The following MYO1D variants were observed in gnomAD, a reference collection of about 807,000 sequenced individuals.
MYO1D encodes myosin ID.
Under a neutral mutation model 122.0 loss-of-function variants are expected in MYO1D, and 83 were observed. The ratio of observed to expected loss-of-function variants is 0.68; its 90% CI spans 0.57 to 0.82. MYO1D has a LOEUF of 0.82. Ranked by LOEUF, MYO1D falls within the 40% of genes least tolerant of loss-of-function variation. The pLI, the probability that MYO1D is intolerant of heterozygous loss-of-function variation, is 0.00. For missense variants in MYO1D, 1,157 were observed against 1,269.5 expected, an observed-to-expected ratio of 0.91 and a Z score of 1.35; for synonymous variants, 464 against 446.9, an observed-to-expected ratio of 1.04 and a Z score of -0.48.
At chr17:32,637,728 T>C (rs2088124517) in intron 20 of MYO1D, among the ~76,000 whole-genome samples, 3 of 152,048 alleles carry the variant, frequency 2.0e-5, no homozygotes, top group Admixed American at 2.0e-4. Flanking sequence ...AGTTGCAATC[T>C]ATTGGCCTTT....
chr17:32,711,139 A>G (rs538966138), intron 16 of MYO1D, among the ~76,000 whole-genome samples: 76 of 152,242 alleles, frequency 5.0e-4, no homozygotes, highest in Admixed American at 2.2e-3. Context: ...GTTCATATGG[A>G]AGATATGGGA....
At chr17:32,759,498 A>T (rs980998822) in intron 10 of MYO1D, among the ~76,000 whole-genome samples, 5 of 152,194 alleles carry the variant, frequency 3.3e-5, no homozygotes, top group Non-Finnish European at 7.4e-5. Flanking sequence ...GAGGATGAAC[A>T]ATCATATAAA....
intron 1 of MYO1D, among the ~76,000 whole-genome samples, chr17:32,795,793 GCC>G (rs1446620905): frequency 2.6e-5 from 4 of 151,940 alleles, no homozygotes; most frequent in Non-Finnish European, 1.5e-5. Context: ...TGAGAAAGAG[GCC>G]ATCCGGGTAC....
intron 17 of MYO1D, among the ~76,000 whole-genome samples, chr17:32,657,587 C>T (rs985039253): frequency 2.0e-5 from 3 of 152,226 alleles, no homozygotes; most frequent in Non-Finnish European, 4.4e-5. Flanking sequence ...CTTGTGTGCA[C>T]GCACGTGTGC....
intron 8 of MYO1D, 21 bp from the exon 9 acceptor site, chr17:32,760,648 T>G (rs780791744): frequency 6.3e-7 from 1 of 1,587,836 alleles, no homozygotes; most frequent in Admixed American, 1.8e-5. Flanking sequence ...AATAGCATCA[T>G]AAATGCTTGC....
intron 21 of MYO1D, among the ~76,000 whole-genome samples, chr17:32,600,955 T>G (rs1042773928): frequency 6.9e-6 from 1 of 144,320 alleles, no homozygotes; most frequent in Non-Finnish European, 1.5e-5. Flanking sequence ...TCTTTTCCCT[T>G]TTTTTTTTTT....
intron 14 of MYO1D, among the ~76,000 whole-genome samples, chr17:32,723,866 A>T (rs1369645105): frequency 6.6e-6 from 1 of 152,150 alleles, no homozygotes; most frequent in African/African-American, 2.4e-5. Flanking sequence ...GTGATTTGTT[A>T]TGGATTGATA....
intron 16 of MYO1D, among the ~76,000 whole-genome samples, chr17:32,695,622 T>C (rs1348881573): frequency 6.6e-6 from 1 of 152,162 alleles, no homozygotes; most frequent in Non-Finnish European, 1.5e-5. Context: ...GCTACAACAA[T>C]GTAACAAATA....
intron 21 of MYO1D, among the ~76,000 whole-genome samples, chr17:32,578,787 G>T (rs1291679611): frequency 1.3e-5 from 2 of 152,130 alleles, no homozygotes; most frequent in Non-Finnish European, 2.9e-5. Context: ...CTTCCCCTAA[G>T]TCTCCTCCTG....
chr17:32,726,059 C>G (rs1232827047), intron 14 of MYO1D, among the ~76,000 whole-genome samples: 1 of 152,160 alleles, frequency 6.6e-6, no homozygotes, highest in Non-Finnish European at 1.5e-5. Context: ...CAACATTTGT[C>G]ACCCTCAGAT....
chr17:32,636,882 C>T (rs955923198), intron 20 of MYO1D, among the ~76,000 whole-genome samples: 5 of 152,174 alleles, frequency 3.3e-5, no homozygotes, highest in Admixed American at 1.3e-4. Context: ...GGAAATCAGG[C>T]TGGTATGCAC....
intron 16 of MYO1D, among the ~76,000 whole-genome samples, chr17:32,662,734 A>G (rs917263534): frequency 4.0e-5 from 6 of 151,854 alleles, no homozygotes; most frequent in African/African-American, 1.5e-4. Flanking sequence ...TAGTTTTCTT[A>G]GCTGTAAAAT....
chr17:32,844,848 A>C (rs1365182469), intron 1 of MYO1D, among the ~76,000 whole-genome samples: 1 of 152,196 alleles, frequency 6.6e-6, no homozygotes, highest in African/African-American at 2.4e-5. Flanking sequence ...CTCTTTATAA[A>C]TCTTGTGTTT....
chr17:32,818,880 G>A (rs767516839), intron 1 of MYO1D, among the ~76,000 whole-genome samples: 1 of 152,180 alleles, frequency 6.6e-6, no homozygotes, highest in Non-Finnish European at 1.5e-5. Context: ...AAAATCTTAT[G>A]AAGTTCTGCC....
At chr17:32,667,916 T>G (rs1217608545) in intron 16 of MYO1D, among the ~76,000 whole-genome samples, 2 of 152,196 alleles carry the variant, frequency 1.3e-5, no homozygotes, top group Admixed American at 1.3e-4. Context: ...AAGAAGTAAT[T>G]GAACCTTTTG....
chr17:32,532,697 C>T (rs1268685511), intron 21 of MYO1D, among the ~76,000 whole-genome samples: 2 of 141,150 alleles, frequency 1.4e-5, no homozygotes, highest in African/African-American at 5.4e-5. Context: ...GCACTCCAGC[C>T]TGGGCGACAG....
chr17:32,782,762 T>G (rs1399545092), intron 1 of MYO1D, among the ~76,000 whole-genome samples: 2 of 151,890 alleles, frequency 1.3e-5, no homozygotes, highest in Non-Finnish European at 2.9e-5. Flanking sequence ...ATAGTGAAAC[T>G]CCATCTCTAC....
intron 21 of MYO1D, chr17:32,505,333 G>A (rs955112435): frequency 2.0e-5 from 3 of 152,274 alleles, no homozygotes; most frequent in African/African-American, 7.2e-5. Context: ...GCCCTTGCAA[G>A]CATCTTCCTG....
chr17:32,861,159 C>T (rs1396751590), intron 1 of MYO1D, among the ~76,000 whole-genome samples: 1 of 149,958 alleles, frequency 6.7e-6, no homozygotes, highest in African/African-American at 2.5e-5. Context: ...AGCTCCGCCT[C>T]CCAGGTTCAT....
Sources: gnomAD v4.1 joint callset for allele counts (sites outside exome capture counted in the v4.1 genomes callset) on GRCh38, gnomAD v4.1.1 for gene constraint, MANE v1.5 for transcripts, NCBI Gene and HGNC (gene_info 2026-07-23, HGNC 2026-07-21) for gene names.